MYO1E: variants seen among roughly 807,000 people sequenced by gnomAD.
MYO1E encodes the protein unconventional myosin-Ie.
Under a neutral mutation model 151.1 loss-of-function variants are expected in MYO1E, and 68 were observed. That is an observed-to-expected ratio of 0.45 (90% confidence interval 0.37 to 0.55). The LOEUF is 0.55. Among genes scored for constraint, MYO1E ranks in the 20% least tolerant of loss-of-function variants. The pLI is 0.00. For synonymous variants in MYO1E, 601 were observed against 501.7 expected (o/e 1.20, Z -2.64); for missense variants, 1,363 against 1,389.3 (o/e 0.98, Z 0.30).
At chr15:59,281,277 T>TA (rs1567001283) in intron 1 of MYO1E, among the ~76,000 whole-genome samples, 1 of 149,750 alleles carries the variant, frequency 6.7e-6, no homozygotes, top group Non-Finnish European at 1.5e-5. Context: ...TTTTCTTTTC[T>TA]TTCTTTTTTT....
At chr15:59,225,393 C>G (rs962925669) in intron 7 of MYO1E, among the ~76,000 whole-genome samples, 3 of 152,168 alleles carry the variant, frequency 2.0e-5, no homozygotes, top group African/African-American at 7.2e-5. Flanking sequence ...GGCCCCCACA[C>G]CCCAGCTCGT....
At chr15:59,220,998 A>ATTATATATATAATATATATATAAAAT (rs2079952060) in intron 9 of MYO1E, among the ~76,000 whole-genome samples, 1 of 144,476 alleles carries the variant, frequency 6.9e-6, no homozygotes, top group Non-Finnish European at 1.5e-5. Context: ...TATATATATA[A>ATTATATATATAATATATATATAAAAT]TTATATATAT....
chr15:59,236,795 A>ATT, intron 4 of MYO1E, 123 bp from the exon 5 acceptor site: 7 of 762,344 alleles, frequency 9.2e-6, no homozygotes, highest in African/African-American at 3.5e-5. Flanking sequence ...GCAGAAAAGA[A>ATT]TTTTTTTTTT....
chr15:59,339,924 T>A (rs1390364047), intron 1 of MYO1E, among the ~76,000 whole-genome samples: 1 of 151,722 alleles, frequency 6.6e-6, no homozygotes. Flanking sequence ...CCCGGCTTAC[T>A]GCAACCTCTG....
At chr15:59,150,105 G>C (rs2079467142) in intron 26 of MYO1E, among the ~76,000 whole-genome samples, 1 of 152,210 alleles carries the variant, frequency 6.6e-6, no homozygotes, top group African/African-American at 2.4e-5. Context: ...TTTTGCCCAA[G>C]GTACTATTTT....
At chr15:59,185,131 G>A (rs2079688022) in intron 18 of MYO1E, among the ~76,000 whole-genome samples, 1 of 151,978 alleles carries the variant, frequency 6.6e-6, no homozygotes, top group Admixed American at 6.6e-5. Context: ...TTTTTGATTG[G>A]ATTATTAGAT....
Position 59,136,525 on chromosome 15 carries a change from T to G in MYO1E, c.*855A>C, listed in dbSNP as rs772759954. The stretch of plus-strand genomic sequence containing the variant: ...CACATCTTTAAGTACCTGGTGTGAG[T>G]TTTGTAAGAAAACCTACCTTATGAA... On this transcript the variant is annotated 3_prime_UTR_variant, in exon 28 of 28. Transcript: ENST00000288235. 1.3e-5 allele frequency: 4 copies of G among 318,338 alleles called. No individual in the cohort carries two copies. Among genetic ancestry groups the G allele is most frequent in the Non-Finnish European group, 2.5e-5 (4 of 158,182 alleles). 19.7% of individuals were successfully genotyped at this position (318,338 alleles called of 1,614,324 possible). A position where few individuals can be genotyped will look rare whatever the true frequency, so the allele number is the denominator to read the frequency against.
At chr15:59,300,589 G>A (rs1008072362) in intron 1 of MYO1E, among the ~76,000 whole-genome samples, 1 of 152,156 alleles carries the variant, frequency 6.6e-6, no homozygotes. Context: ...AAACCTGGAA[G>A]TGGGCCACAT....
chr15:59,197,138 G>A (rs899386148), intron 16 of MYO1E, among the ~76,000 whole-genome samples: 18 of 151,724 alleles, frequency 1.2e-4, no homozygotes, highest in East Asian at 1.9e-4. Flanking sequence ...GACTACAGGC[G>A]TATGCCACCA....
intron 8 of MYO1E, 28 bp downstream of exon 8, chr15:59,224,661 T>A: frequency 6.2e-7 from 1 of 1,614,082 alleles, no homozygotes; most frequent in Non-Finnish European, 8.5e-7. Flanking sequence ...GGAGAGCAGA[T>A]CCTGCCTGGC....
At chr15:59,334,176 G>C in intron 1 of MYO1E, among the ~76,000 whole-genome samples, 1 of 152,160 alleles carries the variant, frequency 6.6e-6, no homozygotes, top group East Asian at 1.9e-4. Flanking sequence ...AGCGACTCAG[G>C]AAGCTGAAGC....
rs368419570 is a variant in MYO1E at position 59,280,131 on chromosome 15, C to CT, written c.4-7683dup. Among the ~76,000 whole-genome samples, 393 of 152,222 alleles carry CT rather than the reference C, an allele frequency of 2.6e-3. 2 individuals carry two copies. The highest frequency in any genetic ancestry group is 8.8e-3 in the African/African-American group (364 of 41,542). On this transcript the variant is annotated intron_variant, in intron 1 of 27. Transcript: ENST00000288235. ...TATTCCAGCTTGCAGATATAGCAAA[C>CT]TTTTTTTAACAATAGGCTCCCAGAA...
intron 1 of MYO1E, among the ~76,000 whole-genome samples, chr15:59,344,631 G>A (rs978606779): frequency 2.0e-5 from 3 of 152,190 alleles, no homozygotes; most frequent in African/African-American, 4.8e-5. Flanking sequence ...ATGCTATCAG[G>A]GAACCAGGGT....
intron 1 of MYO1E, among the ~76,000 whole-genome samples, chr15:59,274,305 C>G (rs1264136062): frequency 6.6e-6 from 1 of 152,186 alleles, no homozygotes; most frequent in Non-Finnish European, 1.5e-5. Context: ...TACCTCAGAC[C>G]TCACCACTCC....
At chr15:59,351,790 C>T (rs968025409) in intron 1 of MYO1E, among the ~76,000 whole-genome samples, 9 of 152,162 alleles carry the variant, frequency 5.9e-5, no homozygotes, top group African/African-American at 2.2e-4. Flanking sequence ...GACAAAGACA[C>T]TACTGTCTCC....
intron 9 of MYO1E, among the ~76,000 whole-genome samples, chr15:59,221,292 GA>G (rs1281173450): frequency 6.6e-6 from 1 of 151,922 alleles, no homozygotes; most frequent in Non-Finnish European, 1.5e-5. Flanking sequence ...TTACAGGCAT[GA>G]GCCACCATGC....
At position 59,269,580 on chromosome 15, in the gene MYO1E, G is replaced by C. The variant is rs184022957; in HGVS notation, c.147+2726C>G. 1.2e-4 allele frequency among the ~76,000 whole-genome samples: 19 copies of C among 152,350 alleles called. No homozygotes were observed. In the East Asian group the frequency reaches 3.7e-3, roughly 29 times the overall value. On this transcript the variant is annotated intron_variant, in intron 2 of 27. Coordinates refer to ENST00000288235, the MANE Select transcript of MYO1E (RefSeq NM_004998.4). Reference sequence around the variant, plus strand: ...TACAATTCAATTAAATGAAGCTGCTGGGCGCAGTGGCTCACGCCTGTAATC... The same window carrying C: ...TACAATTCAATTAAATGAAGCTGCTCGGCGCAGTGGCTCACGCCTGTAATC...
chr15:59,161,189 C>T lies in MYO1E; in HGVS notation c.2669G>A (p.Ser890Asn). 4 of 1,614,002 alleles carry T rather than the reference C, an allele frequency of 2.5e-6. No homozygotes were observed. The highest frequency in any genetic ancestry group is 1.7e-5 in the Admixed American group (1 of 60,014). ...KLKKENWGPW[S>N]AGGSRQVQFH... is the part of the protein sequence containing the mutation. ...CTGCACTTGCCGGGAGCCCCCTGCA[C>T]TCCAGGGGCCCCAGTTTTCCTTTTT... Residue 890 changes from serine to asparagine, a missense_variant, in exon 24 of 28, where the codon AGT becomes AAT. Ser to Asn is a conservative substitution (Grantham distance 46, BLOSUM62 1). Coordinates refer to ENST00000288235, the MANE Select transcript of MYO1E (RefSeq NM_004998.4).
At chr15:59,227,341 T>C (rs555928431) in intron 7 of MYO1E, 118 bp downstream of exon 7, 1 of 1,209,912 alleles carries the variant, frequency 8.3e-7, no homozygotes, top group Non-Finnish European at 1.2e-6. Context: ...GACTTGTACA[T>C]GGTATCATCA....
Sources: gnomAD v4.1 joint callset for allele counts (sites outside exome capture counted in the v4.1 genomes callset) on GRCh38, gnomAD v4.1.1 for gene constraint, MANE v1.5 for transcripts, NCBI Gene and HGNC (gene_info 2026-07-23, HGNC 2026-07-21) for gene names.